PIK3CD: variants seen among roughly 807,000 people sequenced by gnomAD.
PIK3CD encodes the protein phosphatidylinositol-4,5-bisphosphate 3-kinase catalytic subunit delta.
Under a neutral mutation model 122.9 loss-of-function variants are expected in PIK3CD, and 20 were observed. The ratio of observed to expected loss-of-function variants is 0.16; its 90% CI spans 0.11 to 0.24. The LOEUF (loss-of-function observed/expected upper bound fraction) is 0.24, where lower values mean the gene tolerates loss of function less well. Among genes scored for constraint, PIK3CD ranks in the 10% least tolerant of loss-of-function variants. The pLI, the probability that PIK3CD is intolerant of heterozygous loss-of-function variation, is 1.00. For synonymous variants in PIK3CD, 596 were observed against 593.4 expected (o/e 1.00, Z -0.06); for missense variants, 787 against 1,406.3 (o/e 0.56, Z 7.04).
chr1:9,642,502 G>C, the PIK3CD span, among the ~76,000 whole-genome samples: 1 of 150,076 alleles, frequency 6.7e-6, no homozygotes, highest in South Asian at 2.1e-4. Flanking sequence ...TGGATCACGA[G>C]GTCAGGAGAT....
At chr1:9,633,391 T>C in the PIK3CD span, among the ~76,000 whole-genome samples, 1 of 152,202 alleles carries the variant, frequency 6.6e-6, no homozygotes, top group Non-Finnish European at 1.5e-5. Context: ...CACTGCAAGC[T>C]CTGCTTCCTG....
upstream of PIK3CD, among the ~76,000 whole-genome samples, chr1:9,650,463 A>G (rs1282340222): frequency 4.6e-5 from 7 of 152,018 alleles, no homozygotes; most frequent in East Asian, 1.4e-3. Context: ...AACAAACAAA[A>G]AAACATGAAA....
At chr1:9,692,264 G>A (rs1214617077) in intron 2 of PIK3CD, among the ~76,000 whole-genome samples, 1 of 152,160 alleles carries the variant, frequency 6.6e-6, no homozygotes, top group African/African-American at 2.4e-5. Context: ...TATTCTGTGT[G>A]TACCCAGAAT....
intron 1 of PIK3CD, among the ~76,000 whole-genome samples, chr1:9,655,692 T>C (rs1484372646): frequency 1.2e-4 from 17 of 138,112 alleles, no homozygotes; most frequent in Non-Finnish European, 1.8e-4. Context: ...TCTTTCTTTT[T>C]TCTTCTTTTT....
chr1:9,724,499 G>A lies in PIK3CD; in HGVS notation c.2864+78G>A. ...CAGGGCAGAGGTTCCCAGGCAGGGT[G>A]CAGGATGGGGCTCAGGTCTCAACCC... is the stretch of plus-strand genomic sequence containing the variant. On this transcript the variant is annotated intron_variant, in intron 22 of 23. Coordinates refer to ENST00000377346, the MANE Select transcript of PIK3CD (RefSeq NM_005026.5). This position sits in a 1 kb window ranked among gnomAD's most constrained non-coding sequence, Gnocchi z 7.3. 3 of 1,515,814 alleles carry A rather than the reference G, an allele frequency of 2.0e-6. No homozygotes were observed. The highest frequency in any genetic ancestry group is 1.8e-6 in the Non-Finnish European group (2 of 1,096,000). The allele number at this position is 1,515,814 out of a possible 1,614,324, so 93.9% of individuals were successfully genotyped here. A position where few individuals can be genotyped will look rare whatever the true frequency, so the allele number is the denominator to read the frequency against.
intron 2 of PIK3CD, among the ~76,000 whole-genome samples, chr1:9,702,500 C>CCTTTTTTTTTT (rs1646675709): frequency 7.8e-5 from 2 of 25,804 alleles, no homozygotes; most frequent in Non-Finnish European, 2.1e-4. Flanking sequence ...AAGAACTTTC[C>CCTTTTTTTTTT]TTTTTTTTTT....
intron 1 of PIK3CD, among the ~76,000 whole-genome samples, chr1:9,673,206 T>C (rs1479435512): frequency 6.6e-6 from 1 of 151,810 alleles, no homozygotes; most frequent in Admixed American, 6.6e-5. Context: ...TTAACCCATC[T>C]TCCTGCCTCA....
chr1:9,692,415 T>G (rs116223559), intron 2 of PIK3CD, among the ~76,000 whole-genome samples: 137 of 152,302 alleles, frequency 9.0e-4, no homozygotes, highest in African/African-American at 2.9e-3. Context: ...GTTTGATGAT[T>G]GCGGATCTCT....
Position 9,724,924 on chromosome 1 carries a change from C to T in PIK3CD, c.2985C>T (p.Ile995=), listed in dbSNP as rs1164120556. ...GLPELSCSKD[I]QYLKDSLALG... is the part of the protein sequence containing the mutation. The stretch of plus-strand genomic sequence containing the variant: ...CTGAGCTCAGCTGCTCCAAAGACAT[C>T]CAGTATCTCAAGGTATGTGCCGGGC... The change falls in exon 23 of 24, where the codon ATC becomes ATT. Residue 995 remains isoleucine (I), a synonymous_variant. Transcript: ENST00000377346. The surrounding 1 kb of genome is among the most constrained non-coding windows in gnomAD (Gnocchi z 7.3). The T allele has an allele frequency of 2.5e-6, 4 of 1,613,738 alleles. No individual in the cohort carries two copies. Among genetic ancestry groups the T allele is most frequent in the Non-Finnish European group, 1.7e-6 (2 of 1,180,056 alleles).
intron 1 of PIK3CD, among the ~76,000 whole-genome samples, chr1:9,659,263 A>G (rs1028133014): frequency 1.3e-5 from 2 of 152,166 alleles, no homozygotes; most frequent in African/African-American, 4.8e-5. Flanking sequence ...CCACCGTAGC[A>G]CACGTTTACC....
At chr1:9,706,978 A>ATT (rs373772007) in intron 2 of PIK3CD, among the ~76,000 whole-genome samples, 2,661 of 139,776 alleles carry the variant, frequency 0.019, 76 homozygotes, top group African/African-American at 0.047. Flanking sequence ...CTAATTTTTA[A>ATT]TTTTTTTTTT....
At chr1:9,681,000 G>A (rs536034251) in intron 1 of PIK3CD, 3 of 152,326 alleles carry the variant, frequency 2.0e-5, no homozygotes, top group South Asian at 2.1e-4. Context: ...CTGCCACAGC[G>A]TGGTTGGCAG....
intron 2 of PIK3CD, among the ~76,000 whole-genome samples, chr1:9,709,419 CAG>C (rs1264384875): frequency 6.6e-6 from 1 of 152,110 alleles, no homozygotes; most frequent in South Asian, 2.1e-4. Flanking sequence ...CAGAAAGTTT[CAG>C]AGAGGCTGGA....
In PIK3CD at chr1:9,716,947, A is replaced by T; in HGVS notation, c.781-12A>T. 6.2e-7 allele frequency: 1 copy of T among 1,613,368 alleles called. No individual in the cohort carries two copies. Among genetic ancestry groups the T allele is most frequent in the Non-Finnish European group, 8.5e-7 (1 of 1,179,926 alleles). ...CCGCCCCACCAGCCGCTCACCCTGC[A>T]CCCCGTCTCAGTACATCTGCAGCTG... On this transcript the variant is annotated splice_polypyrimidine_tract_variant and intron_variant, in intron 6 of 23. Transcript: ENST00000377346.
Position 9,719,871 on chromosome 1 carries a change from G to T in PIK3CD, c.1243-50G>T. The T allele has an allele frequency of 6.8e-7, 1 of 1,476,898 alleles. No homozygotes were observed. Among genetic ancestry groups the T allele is most frequent in the Non-Finnish European group, 9.5e-7 (1 of 1,055,676 alleles). 91.5% of individuals were successfully genotyped at this position (1,476,898 alleles called of 1,614,324 possible). A position where few individuals can be genotyped will look rare whatever the true frequency, so the allele number is the denominator to read the frequency against. ...TGCCTGGGGGAGGGCAGGGAAGCTG[G>T]GTCTGGAGGCCCCTGAGTGGCTGTC... On this transcript the variant is annotated intron_variant, in intron 9 of 23. Coordinates refer to ENST00000377346, the MANE Select transcript of PIK3CD (RefSeq NM_005026.5). The surrounding 1 kb of genome is among the most constrained non-coding windows in gnomAD (Gnocchi z 5.5).
rs1649753771 is a variant in PIK3CD, at chr1:9,726,957, C to T, written c.3046C>T (p.Arg1016Ter). Reference protein sequence around the residue: ...KTEEEALKHFRVKFNEALRES... With the variant: ...KTEEEALKHF ...AGAGGAGGAGGCACTGAAGCACTTC[C>T]GAGTGAAGTTTAACGAAGCCCTCCG... Residue 1016 changes from arginine to a stop codon, truncating the protein, a stop_gained, in exon 24 of 24, where the codon CGA becomes TGA. Coordinates refer to ENST00000377346, the MANE Select transcript of PIK3CD (RefSeq NM_005026.5). LOFTEE classifies it high-confidence loss of function. 4 of 1,613,906 alleles carry T rather than the reference C, an allele frequency of 2.5e-6. No homozygotes were observed. The highest frequency in any genetic ancestry group is 3.4e-6 in the Non-Finnish European group (4 of 1,179,898).
Position 9,721,543 on chromosome 1 carries a change from C to G in PIK3CD, c.1911C>G (p.Ala637=). 1 of 1,613,780 alleles carries G rather than the reference C, an allele frequency of 6.2e-7. No individual in the cohort carries two copies. Among genetic ancestry groups the G allele is most frequent in the Non-Finnish European group, 8.5e-7 (1 of 1,180,022 alleles). ...TGACCAAATTCCTGCTGGACCGGGCCCTGGCCAACCGCAAGATCGGCCACT... is the reference window on the plus strand; with the variant it reads ...TGACCAAATTCCTGCTGGACCGGGCGCTGGCCAACCGCAAGATCGGCCACT... ...CELTKFLLDR[A]LANRKIGHFL... Residue 637 remains alanine, a synonymous_variant, in exon 15 of 24, where the codon GCC becomes GCG. Transcript: ENST00000377346.
intron 1 of PIK3CD, among the ~76,000 whole-genome samples, chr1:9,670,520 G>T (rs973131893): frequency 6.6e-6 from 1 of 152,134 alleles, no homozygotes. Flanking sequence ...TCATATCTTG[G>T]CTTTGACACT....
chr1:9,660,372 A>G (rs1489717758), intron 1 of PIK3CD, among the ~76,000 whole-genome samples: 2 of 152,174 alleles, frequency 1.3e-5, no homozygotes, highest in Non-Finnish European at 2.9e-5. Context: ...GCTGGATCAT[A>G]TGGTAATCCA....
Sources: allele counts gnomAD v4.1 joint callset (sites outside exome capture counted in the v4.1 genomes callset), GRCh38; gene constraint gnomAD v4.1.1; non-coding constraint Gnocchi (gnomAD v3.1); transcripts MANE v1.5; gene names NCBI Gene and HGNC (gene_info 2026-07-23, HGNC 2026-07-21).